The following SMIM14 variants were observed in gnomAD, a reference collection of about 807,000 sequenced individuals.
SMIM14 encodes the protein small integral membrane protein 14.
In SMIM14, 5 loss-of-function variants were observed where a neutral mutation model predicts 12.6. The ratio of observed to expected loss-of-function variants is 0.40; its 90% confidence interval spans 0.21 to 0.83. SMIM14 has a LOEUF of 0.83. Among genes scored for constraint, SMIM14 ranks in the 40% least tolerant of loss-of-function variants. The pLI is 0.37. For synonymous variants in SMIM14, 30 were observed against 40.1 expected (o/e 0.75, Z 0.95); for missense variants, 86 against 119.1 (o/e 0.72, Z 1.29).
intron 2 of SMIM14, among the ~76,000 whole-genome samples, chr4:39,581,649 C>T (rs572166045): frequency 6.7e-6 from 1 of 148,946 alleles, no homozygotes; most frequent in East Asian, 2.0e-4. Context: ...AGTGACGATC[C>T]TCAGCCTCCC....
At chr4:39,575,348 AAC>A (rs533950895) in intron 2 of SMIM14, among the ~76,000 whole-genome samples, 1 of 151,436 alleles carries the variant, frequency 6.6e-6, no homozygotes, top group South Asian at 2.1e-4. Context: ...CAGTGAAGAA[AAC>A]AGATTTTTTT....
intron 1 of SMIM14, among the ~76,000 whole-genome samples, chr4:39,625,217 C>CAAAAAAAAA (rs555489081): frequency 3.6e-5 from 2 of 56,286 alleles, no homozygotes; most frequent in Non-Finnish European, 3.7e-5. Flanking sequence ...GACATCATCT[C>CAAAAAAAAA]AAAAAAAAAA....
At chr4:39,559,838 C>T (rs559680111) in intron 3 of SMIM14, among the ~76,000 whole-genome samples, 1 of 152,138 alleles carries the variant, frequency 6.6e-6, no homozygotes, top group African/African-American at 2.4e-5. Flanking sequence ...CTAAACAGGC[C>T]GGGCGTGGCA....
At chr4:39,605,420 T>C (rs749730104) in intron 1 of SMIM14, among the ~76,000 whole-genome samples, 74 of 152,148 alleles carry the variant, frequency 4.9e-4, no homozygotes, top group Non-Finnish European at 8.8e-4. Flanking sequence ...TGCTCTAAAC[T>C]GGCCCCACCT....
chr4:39,599,423 C>T (rs950148791), intron 2 of SMIM14, among the ~76,000 whole-genome samples: 1 of 151,948 alleles, frequency 6.6e-6, no homozygotes, highest in Non-Finnish European at 1.5e-5. Context: ...ACTTCAACTG[C>T]TGTAGTGAGA....
chr4:39,577,268 G>A (rs1713252843), intron 2 of SMIM14, among the ~76,000 whole-genome samples: 1 of 151,768 alleles, frequency 6.6e-6, no homozygotes, highest in African/African-American at 2.4e-5. Flanking sequence ...ACACACAATT[G>A]GTAATTAGAG....
chr4:39,562,416 C>T (rs193209202), intron 3 of SMIM14, among the ~76,000 whole-genome samples: 3 of 152,144 alleles, frequency 2.0e-5, no homozygotes, highest in Admixed American at 2.0e-4. Context: ...ACAAAAAATC[C>T]CCTCTGCTCT....
intron 2 of SMIM14, 70 bp downstream of exon 2, chr4:39,605,001 G>T: frequency 1.1e-6 from 1 of 927,646 alleles, no homozygotes; most frequent in Non-Finnish European, 1.7e-6. Context: ...CCAATAACCA[G>T]TATTTTCATG....
chr4:39,630,880 A>G (rs1470413904), intron 1 of SMIM14, among the ~76,000 whole-genome samples: 3 of 151,984 alleles, frequency 2.0e-5, no homozygotes, highest in Admixed American at 2.0e-4. Flanking sequence ...AAAAAAAAAA[A>G]AAGAAAGAAG....
Position 39,619,642 on chromosome 4 carries a change from A to AAATATAATTTATTCTATATATC in SMIM14, c.-35-14484_-35-14463dup, listed in dbSNP as rs1560307069. Among the ~76,000 whole-genome samples, 44 of 93,166 alleles carry AAATATAATTTATTCTATATATC rather than the reference A, an allele frequency of 4.7e-4. 8 individuals are homozygous for AAATATAATTTATTCTATATATC. The highest frequency in any genetic ancestry group is 3.0e-3 in the African/African-American group (40 of 13,406). 61.1% of individuals were successfully genotyped at this position (93,166 alleles called of 152,430 possible). On this transcript the variant is annotated intron_variant, in intron 1 of 4. Coordinates refer to ENST00000295958, the MANE Select transcript of SMIM14 (RefSeq NM_174921.3). ...AATATAATTTATTCTATATATCAAT[A>AAATATAATTTATTCTATATATC]AATATAATTTATTCTATATATCAAT...
chr4:39,626,595 G>A (rs574514057), intron 1 of SMIM14, among the ~76,000 whole-genome samples: 78 of 152,144 alleles, frequency 5.1e-4, no homozygotes, highest in African/African-American at 1.8e-3. Flanking sequence ...AAGAAACAAA[G>A]GTAGCTTTTA....
chr4:39,636,417 C>G (rs1023351270), intron 1 of SMIM14, among the ~76,000 whole-genome samples: 6 of 152,146 alleles, frequency 3.9e-5, no homozygotes, highest in African/African-American at 1.2e-4. Context: ...CCACACAATG[C>G]ATATTAATTT....
intron 1 of SMIM14, among the ~76,000 whole-genome samples, chr4:39,633,800 T>A (rs552392609): frequency 1.1e-4 from 17 of 152,268 alleles, no homozygotes; most frequent in African/African-American, 3.9e-4. Context: ...TACAAAGTAA[T>A]AGGTTTTGGG....
intron 2 of SMIM14, among the ~76,000 whole-genome samples, chr4:39,575,485 C>T (rs537249519): frequency 6.6e-6 from 1 of 152,072 alleles, no homozygotes; most frequent in East Asian, 1.9e-4. Flanking sequence ...CAGTCATGAG[C>T]CACCATGCCC....
intron 3 of SMIM14, among the ~76,000 whole-genome samples, chr4:39,569,405 T>C (rs772089999): frequency 1.3e-5 from 2 of 152,206 alleles, no homozygotes; most frequent in Non-Finnish European, 2.9e-5. Context: ...ATTACCTTAC[T>C]GCGTCTTGTT....
At chr4:39,555,027 G>C (rs1560280995) in intron 4 of SMIM14, among the ~76,000 whole-genome samples, 2 of 151,580 alleles carry the variant, frequency 1.3e-5, no homozygotes, top group Admixed American at 1.3e-4. Context: ...CTAGAGACAG[G>C]GTTTCACCAT....
In SMIM14 at chr4:39,605,150, A is replaced by G. The variant is rs200248657; in HGVS notation, c.-5T>C. The G allele has an allele frequency of 3.7e-4, 600 of 1,600,614 alleles. No individual in the cohort carries two copies. Among genetic ancestry groups the G allele is most frequent in the Admixed American group, 8.5e-4 (48 of 56,730 alleles). On this transcript the variant is annotated 5_prime_UTR_variant, in exon 2 of 5. Transcript: ENST00000295958. ...ATCAAATCCACCTTCTGCCATGATT[A>G]CCCAGCTTGATTTTACTTGACTGTT...
intron 1 of SMIM14, among the ~76,000 whole-genome samples, chr4:39,614,197 A>AAAAG (rs1467072931): frequency 6.8e-6 from 1 of 148,064 alleles, no homozygotes; most frequent in African/African-American, 2.7e-5. Context: ...AAAAAAAAAA[A>AAAAG]AAAAAAGAAA....
intron 2 of SMIM14, among the ~76,000 whole-genome samples, chr4:39,574,292 C>T (rs143818363): frequency 0.013 from 1,875 of 144,958 alleles, 28 homozygotes; most frequent in African/African-American, 0.045. Context: ...CTCGCTCTGT[C>T]GCCCAGGCTG....
Sources: gnomAD v4.1 joint callset for allele counts (sites outside exome capture counted in the v4.1 genomes callset) on GRCh38, gnomAD v4.1.1 for gene constraint, MANE v1.5 for transcripts, NCBI Gene and HGNC (gene_info 2026-07-23, HGNC 2026-07-21) for gene names.